Variants in BPTF observed in about 807,000 individuals in gnomAD.
The protein encoded by BPTF is bromodomain PHD finger transcription factor.
A neutral mutation model predicts 292.5 loss-of-function variants in BPTF; 18 were observed. The ratio of observed to expected loss-of-function variants is 0.06; its 90% confidence interval spans 0.04 to 0.09. BPTF has a LOEUF of 0.09. BPTF is among the 10% of genes least tolerant of loss of function. The pLI is 1.00. For missense variants in BPTF, 2,726 were observed against 3,498.7 expected (o/e 0.78, Z 5.57); for synonymous variants, 1,225 against 1,251.9 (o/e 0.98, Z 0.45).
At chr17:67,847,218 A>G (rs1241473631) in intron 1 of BPTF, among the ~76,000 whole-genome samples, 1 of 152,178 alleles carries the variant, frequency 6.6e-6, no homozygotes, top group Non-Finnish European at 1.5e-5. Context: ...TCTGGCAAAT[A>G]GAAAGCACTC....
chr17:67,981,819 GT>G (rs1364692596), intron 27 of BPTF: 15 of 795,526 alleles, frequency 1.9e-5, no homozygotes, highest in Non-Finnish European at 2.3e-5. Flanking sequence ...TTTTTCTTTT[GT>G]TTTAGCGTAA....
intron 23 of BPTF, among the ~76,000 whole-genome samples, chr17:67,949,521 G>T (rs1416074732): frequency 2.6e-5 from 4 of 151,722 alleles, no homozygotes; most frequent in African/African-American, 9.7e-5. Context: ...GTTGCAGTGA[G>T]CTGAGATCAC....
In BPTF at chr17:67,945,492, A is replaced by G. The variant is rs1568140068; in HGVS notation, c.6784A>G (p.Ser2262Gly). The change falls in exon 21 of 28, where the codon AGT (serine) becomes GGT (glycine). Residue 2262 changes from serine (S) to glycine (G), a missense_variant. This residue lies in a region of BPTF where 570 missense variants were observed against 633.5 expected (regional missense o/e 0.90). Transcript: ENST00000306378. ...DKTLPPAQSS[S>G]VGPAEAQPQT... ...AACCCTGCCACCAGCTCAGTCATCAAGTGTGGGTCCAGCAGAAGCCCAGCC... is the reference window on the plus strand; with the variant it reads ...AACCCTGCCACCAGCTCAGTCATCAGGTGTGGGTCCAGCAGAAGCCCAGCC... 3.7e-6 allele frequency: 6 copies of G among 1,614,026 alleles called. No individual in the cohort carries two copies. Among genetic ancestry groups the G allele is most frequent in the Non-Finnish European group, 4.2e-6 (5 of 1,180,036 alleles).
chr17:67,941,086 A>G (rs2065323789), intron 19 of BPTF, among the ~76,000 whole-genome samples: 1 of 152,276 alleles, frequency 6.6e-6, no homozygotes, highest in South Asian at 2.1e-4. Context: ...ATATGGAGGT[A>G]CAAAGTATTA....
At chr17:67,867,006 A>G (rs2059427822) in intron 3 of BPTF, among the ~76,000 whole-genome samples, 1 of 152,252 alleles carries the variant, frequency 6.6e-6, no homozygotes, top group South Asian at 2.1e-4. Context: ...GTATCTAACT[A>G]TATCTAAACA....
At chr17:67,928,745 G>A in intron 16 of BPTF, 144 bp downstream of exon 16, 1 of 1,158,982 alleles carries the variant, frequency 8.6e-7, no homozygotes, top group Non-Finnish European at 1.2e-6. Flanking sequence ...CGGTTGGTTT[G>A]TTACAAATAA....
rs35063149 is a variant in BPTF at position 67,981,984 on chromosome 17, AAT to A, written c.8727-229_8727-228del. On this transcript the variant is annotated intron_variant, in intron 27 of 27. Coordinates refer to ENST00000306378, the MANE Select transcript of BPTF (RefSeq NM_182641.4). ...AAAATGTTGTAATCTTTATTAGACA[AAT>A]ATATATATATATATATATATATATA... 561 of 138,068 alleles carry A rather than the reference AAT, an allele frequency of 4.1e-3. 1 individual carries two copies. Among genetic ancestry groups the A allele is most frequent in the African/African-American group, 0.013 (463 of 34,872 alleles). 8.6% of individuals were successfully genotyped at this position (138,068 alleles called of 1,614,324 possible).
Position 67,853,919 on chromosome 17 carries a change from AT to A in BPTF, c.614-20del. 1 of 1,571,628 alleles carries A rather than the reference AT, an allele frequency of 6.4e-7. No homozygotes were observed. On this transcript the variant is annotated intron_variant, in intron 1 of 27. Coordinates refer to ENST00000306378, the MANE Select transcript of BPTF (RefSeq NM_182641.4). The stretch of plus-strand genomic sequence containing the variant: ...TGATGTAATGTATTGATTTGTAATG[AT>A]GTCACGTCTTTATCTACAGGTAGGC...
At chr17:67,921,226 A>G (rs1180558152) in intron 13 of BPTF, among the ~76,000 whole-genome samples, 8 of 150,112 alleles carry the variant, frequency 5.3e-5, no homozygotes, top group African/African-American at 1.2e-4. Context: ...AAAAAAAAAA[A>G]AAAAAAAAAG....
rs139756948 is a variant in BPTF, at chr17:67,912,747, A to T, written c.4863A>T (p.Ala1621=). Residue 1621 remains alanine, a synonymous_variant, in exon 11 of 28, where the codon GCA becomes GCT. Coordinates refer to ENST00000306378, the MANE Select transcript of BPTF (RefSeq NM_182641.4). ...TGGTTTCTTCCACAGAAAATTGTGC[A>T]AAATCCACTGTCACAACCACCACTA... The part of the protein sequence containing the change: ...QTVVSSTENC[A]KSTVTTTTTT... The T allele has an allele frequency of 1.4e-4, 225 of 1,614,136 alleles. No individual in the cohort carries two copies. In the African/African-American group the frequency reaches 2.7e-3, roughly 19 times the overall value.
intron 1 of BPTF, among the ~76,000 whole-genome samples, chr17:67,830,798 A>G (rs2143804813): frequency 6.6e-6 from 1 of 152,316 alleles, no homozygotes; most frequent in Middle Eastern, 3.4e-3. Flanking sequence ...GGCTATAGCA[A>G]CTGTACTTTC....
intron 3 of BPTF, among the ~76,000 whole-genome samples, chr17:67,868,658 T>C (rs917112794): frequency 6.6e-6 from 1 of 152,230 alleles, no homozygotes; most frequent in African/African-American, 2.4e-5. Flanking sequence ...TTCTGAGTTC[T>C]GCTCTTCTGC....
At chr17:67,849,640 A>C (rs1210246786) in intron 1 of BPTF, among the ~76,000 whole-genome samples, 1 of 152,110 alleles carries the variant, frequency 6.6e-6, no homozygotes, top group Non-Finnish European at 1.5e-5. Flanking sequence ...GGGAATTGTT[A>C]GAAATGCAAG....
chr17:67,883,958 C>T (rs1382907786), intron 4 of BPTF, among the ~76,000 whole-genome samples: 1 of 152,124 alleles, frequency 6.6e-6, no homozygotes, highest in Non-Finnish European at 1.5e-5. Context: ...TCCTCCTCTT[C>T]TCACACAAAA....
intron 27 of BPTF, among the ~76,000 whole-genome samples, chr17:67,980,744 A>C (rs2070245814): frequency 6.6e-6 from 1 of 152,198 alleles, no homozygotes; most frequent in Admixed American, 6.5e-5. Context: ...TGAAGGGGCC[A>C]CTTAGGATGT....
intron 15 of BPTF, among the ~76,000 whole-genome samples, chr17:67,925,927 A>G (rs2063834155): frequency 6.9e-6 from 1 of 145,058 alleles, no homozygotes; most frequent in Non-Finnish European, 1.5e-5. Flanking sequence ...ACAACTGGCT[A>G]GTTGTATTGT....
At position 67,928,419 on chromosome 17, in the gene BPTF, C is replaced by A. The variant is rs2064096938; in HGVS notation, c.5816C>A (p.Thr1939Lys). Residue 1939 changes from threonine to lysine, a missense_variant, in exon 16 of 28, where the codon ACA (threonine) becomes AAA (lysine). By Grantham distance (78) the Thr-to-Lys change is moderately conservative. Around this residue, in one of 22 missense-constraint regions of BPTF, gnomAD observed 198 missense variants for 277.1 expected, o/e 0.71. Transcript: ENST00000306378. Reference sequence around the variant, plus strand: ...TCCACTACTTCCCCAACAAGCAGTACAACCAGCACCATCTCTCCAGCACAG... The same window carrying A: ...TCCACTACTTCCCCAACAAGCAGTAAAACCAGCACCATCTCTCCAGCACAG... Reference protein sequence around the residue: ...ATSTTSPTSSTTSTISPAQKV... With the variant: ...ATSTTSPTSSKTSTISPAQKV... 1 of 1,614,050 alleles carries A rather than the reference C, an allele frequency of 6.2e-7. No individual in the cohort carries two copies. Among genetic ancestry groups the A allele is most frequent in the East Asian group, 2.2e-5 (1 of 44,894 alleles).
intron 1 of BPTF, among the ~76,000 whole-genome samples, chr17:67,829,844 C>G (rs5023499): frequency 0.033 from 4,971 of 152,144 alleles, 280 homozygotes; most frequent in African/African-American, 0.11. Flanking sequence ...TAGCTCACTC[C>G]TAATACAAGA....
At chr17:67,969,484 C>T (rs2068525622) in intron 26 of BPTF, among the ~76,000 whole-genome samples, 1 of 140,890 alleles carries the variant, frequency 7.1e-6, no homozygotes, top group Admixed American at 7.1e-5. Flanking sequence ...AAGAGATAGC[C>T]ATTGCTTTTG....
Sources: gnomAD v4.1 joint callset for allele counts (sites outside exome capture counted in the v4.1 genomes callset) on GRCh38, gnomAD v4.1.1 for gene constraint, gnomAD v4.1.1 regional missense constraint, MANE v1.5 for transcripts, NCBI Gene and HGNC (gene_info 2026-07-23, HGNC 2026-07-21) for gene names.